The following FAM120C variants were observed in gnomAD, a reference collection of about 807,000 sequenced individuals.
FAM120C encodes the protein family with sequence similarity 120 member C.
In FAM120C, 14 loss-of-function variants were observed where a neutral mutation model predicts 71.2. That is an observed-to-expected ratio of 0.20 (90% CI 0.13 to 0.31). The LOEUF (loss-of-function observed/expected upper bound fraction) is 0.31, where lower values mean the gene tolerates loss of function less well. FAM120C is among the 10% of genes least tolerant of loss of function. The pLI is 1.00. For synonymous variants in FAM120C, 354 were observed against 353.2 expected (o/e 1.00, Z -0.03); for missense variants, 500 against 879.0 (o/e 0.57, Z 5.45).
At chrX:54,147,331 A>G (rs1557132509) in intron 4 of FAM120C, 1 of 110,986 alleles carries the variant, frequency 9.0e-6, no homozygotes, top group Non-Finnish European at 1.9e-5. Context: ...AAATAAATAA[A>G]TAAATAAATA....
intron 9 of FAM120C, among the ~76,000 whole-genome samples, chrX:54,117,049 G>C (rs1557126693): frequency 1.8e-5 from 2 of 110,955 alleles, no homozygotes; most frequent in African/African-American, 6.6e-5. Context: ...AAAACAAAAG[G>C]CTTATTTTGC....
chrX:54,134,055 T>C lies in FAM120C; in HGVS notation c.1617-9A>G. ...ATGCTTCTGTGATATGACTAAAAAA[T>C]GTAGAAAGACAGTGTCAAACAGAAA... On this transcript the variant is annotated splice_polypyrimidine_tract_variant and intron_variant, in intron 7 of 15. Coordinates refer to ENST00000375180, the MANE Select transcript of FAM120C (RefSeq NM_017848.6). 1.7e-6 allele frequency: 2 copies of C among 1,203,549 alleles called. No homozygotes were observed. The highest frequency in any genetic ancestry group is 2.2e-6 in the Non-Finnish European group (2 of 891,802).
At chrX:54,118,222 TAAAA>T (rs781998925) in intron 9 of FAM120C, among the ~76,000 whole-genome samples, 1 of 90,780 alleles carries the variant, frequency 1.1e-5, no homozygotes, top group South Asian at 5.0e-4. Context: ...AAACTCCATC[TAAAA>T]AAAAAAAAAA....
intron 10 of FAM120C, among the ~76,000 whole-genome samples, chrX:54,093,506 C>T (rs1246984221): frequency 2.7e-5 from 3 of 111,736 alleles, no homozygotes; most frequent in Non-Finnish European, 5.6e-5. Context: ...TGTTAATTTG[C>T]AATTTTAAAT....
chrX:54,116,655 G>C lies in FAM120C; in HGVS notation c.2202C>G (p.Asp734Glu), dbSNP rs782264585. 5 of 1,211,653 alleles carry C rather than the reference G, an allele frequency of 4.1e-6. No individual in the cohort carries two copies. Among genetic ancestry groups the C allele is most frequent in the Non-Finnish European group, 2.2e-6 (2 of 895,538 alleles). The change falls in exon 10 of 16, where the codon GAC (aspartate) becomes GAG (glutamate). Residue 734 changes from aspartate to glutamate, a missense_variant. Transcript: ENST00000375180. ...GGAAGGCCCGCATCCTTCTGTTCTT[G>C]TCTTCAACTGCTTTGCCTAGCCAGA... ...KKLWLGKAVE[D>E]KNRRMRAFLA...
chrX:54,092,100 G>A (rs1281528522), intron 10 of FAM120C, among the ~76,000 whole-genome samples: 1 of 111,209 alleles, frequency 9.0e-6, no homozygotes, highest in Non-Finnish European at 1.9e-5. Flanking sequence ...TTTGAGTGTT[G>A]GTTCCTCCAC....
intron 4 of FAM120C, among the ~76,000 whole-genome samples, chrX:54,139,497 G>A (rs892684483): frequency 2.9e-4 from 31 of 108,183 alleles, no homozygotes; most frequent in African/African-American, 1.0e-3. Flanking sequence ...CCGCCACCAT[G>A]CCCAGCTAAT....
At chrX:54,118,845 C>A (rs1295817365) in intron 9 of FAM120C, among the ~76,000 whole-genome samples, 30 of 51,975 alleles carry the variant, frequency 5.8e-4, no homozygotes, top group South Asian at 1.3e-3. Context: ...GGTATATCTC[C>A]CAATGCTATC....
At chrX:54,083,004 A>G (rs1557121511) in intron 13 of FAM120C, among the ~76,000 whole-genome samples, 3 of 109,406 alleles carry the variant, frequency 2.7e-5, no homozygotes, top group African/African-American at 1.0e-4. Context: ...TTGTAGTCCC[A>G]GCTACTCAGG....
intron 4 of FAM120C, among the ~76,000 whole-genome samples, chrX:54,139,143 C>T (rs1472653278): frequency 1.8e-5 from 2 of 110,498 alleles, no homozygotes; most frequent in Admixed American, 9.7e-5. Context: ...AGGGTGTGAT[C>T]GTTTTCACAA....
chrX:54,131,684 C>T (rs1181023651), intron 9 of FAM120C, among the ~76,000 whole-genome samples: 6 of 111,651 alleles, frequency 5.4e-5, no homozygotes, highest in South Asian at 3.7e-4. Context: ...GTGATCCGCC[C>T]GCCTTGGCCT....
chrX:54,175,244 T>C, intron 1 of FAM120C, among the ~76,000 whole-genome samples: 2 of 112,169 alleles, frequency 1.8e-5, no homozygotes, highest in Admixed American at 1.9e-4. Flanking sequence ...ATCTTGAACT[T>C]TGCCTGGCAC....
chrX:54,079,502 C>T (rs2066754057), intron 15 of FAM120C, among the ~76,000 whole-genome samples: 1 of 111,251 alleles, frequency 9.0e-6, no homozygotes, highest in Non-Finnish European at 1.9e-5. Context: ...ATTTCTGAGT[C>T]ATTAAGAATA....
At chrX:54,117,755 C>T (rs781803010) in intron 9 of FAM120C, among the ~76,000 whole-genome samples, 16 of 110,612 alleles carry the variant, frequency 1.4e-4, no homozygotes, top group African/African-American at 4.6e-4. Context: ...GGTCCAATGT[C>T]ACACATTTCT....
chrX:54,143,817 A>AG (rs1469704301), intron 4 of FAM120C, among the ~76,000 whole-genome samples: 3 of 111,963 alleles, frequency 2.7e-5, no homozygotes, highest in Admixed American at 9.5e-5. Context: ...TCATTTTATG[A>AG]GGCCAGCATC....
chrX:54,171,375 C>T (rs1265673341), intron 1 of FAM120C, among the ~76,000 whole-genome samples: 3 of 111,654 alleles, frequency 2.7e-5, no homozygotes, highest in Non-Finnish European at 3.8e-5. Flanking sequence ...CCACTGCACT[C>T]CAACCTGGGC....
chrX:54,174,763 AG>A (rs1329075244), intron 1 of FAM120C, among the ~76,000 whole-genome samples: 2 of 112,217 alleles, frequency 1.8e-5, no homozygotes, highest in African/African-American at 6.5e-5. Context: ...CAAAAAGAAA[AG>A]GAAAAAAATG....
chrX:54,154,093 G>C (rs2067197693), intron 3 of FAM120C, among the ~76,000 whole-genome samples: 1 of 109,779 alleles, frequency 9.1e-6, no homozygotes, highest in African/African-American at 3.3e-5. Flanking sequence ...TAAAATGGAG[G>C]TAAGGGGAAG....
intron 4 of FAM120C, among the ~76,000 whole-genome samples, chrX:54,150,450 T>C (rs2146627750): frequency 8.9e-6 from 1 of 112,206 alleles, no homozygotes; most frequent in South Asian, 3.7e-4. Flanking sequence ...GAACCAACGT[T>C]AAGTCAGGGA....
Sources: gnomAD v4.1 joint callset for allele counts (sites outside exome capture counted in the v4.1 genomes callset) on GRCh38, gnomAD v4.1.1 for gene constraint, MANE v1.5 for transcripts, NCBI Gene and HGNC (gene_info 2026-07-23, HGNC 2026-07-21) for gene names.